The following IGSF21 variants were observed in gnomAD, a reference collection of about 807,000 sequenced individuals.
IGSF21 encodes immunoglobulin superfamily member 21.
A neutral mutation model predicts 46.8 loss-of-function variants in IGSF21; 28 were observed. That is an observed-to-expected ratio of 0.60 (90% CI 0.44 to 0.82). The LOEUF is 0.82. Among genes scored for constraint, IGSF21 ranks in the 40% least tolerant of loss-of-function variants. The probability of loss-of-function intolerance (pLI) is 0.00; values close to 1 mark genes in which losing one functional copy is unlikely to be tolerated. For synonymous variants in IGSF21, 284 were observed against 273.6 expected (o/e 1.04, Z -0.38); for missense variants, 624 against 665.5 (o/e 0.94, Z 0.69).
intron 2 of IGSF21, among the ~76,000 whole-genome samples, chr1:18,234,147 C>T (rs867980349): frequency 2.6e-5 from 4 of 152,148 alleles, no homozygotes; most frequent in African/African-American, 9.7e-5. Flanking sequence ...CTCTTTGCTA[C>T]TCCTCTGACC....
chr1:18,117,841 C>G (rs566495272), intron 1 of IGSF21, among the ~76,000 whole-genome samples: 37 of 152,332 alleles, frequency 2.4e-4, no homozygotes, highest in Admixed American at 1.2e-3. Flanking sequence ...ACTGTCTCCT[C>G]TCTCCCCATT....
chr1:18,305,274 T>A (rs1557634875), intron 3 of IGSF21, among the ~76,000 whole-genome samples: 1 of 150,480 alleles, frequency 6.6e-6, no homozygotes, highest in Non-Finnish European at 1.5e-5. Context: ...GATGGGTGGA[T>A]GGATGAATGG....
At chr1:18,351,651 C>T (rs2085956834) in intron 4 of IGSF21, among the ~76,000 whole-genome samples, 1 of 152,174 alleles carries the variant, frequency 6.6e-6, no homozygotes, top group Non-Finnish European at 1.5e-5. Flanking sequence ...CCCAAGCTTC[C>T]GTGGGCTTCC....
chr1:18,167,477 C>A (rs191463627), intron 1 of IGSF21, among the ~76,000 whole-genome samples: 2 of 152,188 alleles, frequency 1.3e-5, no homozygotes, highest in South Asian at 2.1e-4. Flanking sequence ...GCATGCACCC[C>A]CATGCTGGTT....
chr1:18,342,141 T>C (rs1004405147), intron 4 of IGSF21, among the ~76,000 whole-genome samples: 4 of 152,152 alleles, frequency 2.6e-5, no homozygotes, highest in African/African-American at 9.6e-5. Flanking sequence ...TCCCCCAGGC[T>C]GGAGTGCAGT....
Position 18,290,450 on chromosome 1 carries a change from C to T in IGSF21, c.184-1416C>T, listed in dbSNP as rs1299850009. Among the ~76,000 whole-genome samples, 3 of 152,146 alleles carry T rather than the reference C, an allele frequency of 2.0e-5. No individual in the cohort carries two copies. Among genetic ancestry groups the T allele is most frequent in the Admixed American group, 6.5e-5 (1 of 15,268 alleles). On this transcript the variant is annotated intron_variant, in intron 2 of 9. Transcript: ENST00000251296. This position sits in a 1 kb window ranked among gnomAD's most constrained non-coding sequence, Gnocchi z 4.2. Reference sequence around the variant, plus strand: ...CTTCCTCTCAGGGTCCCAGAGCCTGCGAAGGCCTTCTCATGATTCTAACCA... The same window carrying T: ...CTTCCTCTCAGGGTCCCAGAGCCTGTGAAGGCCTTCTCATGATTCTAACCA...
intron 1 of IGSF21, among the ~76,000 whole-genome samples, chr1:18,123,945 C>T (rs908968443): frequency 1.3e-5 from 2 of 152,182 alleles, no homozygotes; most frequent in Admixed American, 6.5e-5. Context: ...TCTGCTGGCC[C>T]CACCCTGGGA....
intron 2 of IGSF21, among the ~76,000 whole-genome samples, chr1:18,261,748 T>G (rs763542962): frequency 5.3e-5 from 8 of 152,134 alleles, no homozygotes; most frequent in Non-Finnish European, 1.0e-4. Flanking sequence ...GCCTTAACCT[T>G]GAAGATGCCA....
At chr1:18,150,311 T>C (rs900487544) in intron 1 of IGSF21, among the ~76,000 whole-genome samples, 1 of 152,190 alleles carries the variant, frequency 6.6e-6, no homozygotes, top group African/African-American at 2.4e-5. Context: ...CTCTAAGGCC[T>C]GGGCCTCTCT....
intron 2 of IGSF21, among the ~76,000 whole-genome samples, chr1:18,276,494 C>T (rs145292884): frequency 3.5e-4 from 53 of 152,286 alleles, no homozygotes; most frequent in Non-Finnish European, 6.5e-4. Flanking sequence ...CTGCCACGTC[C>T]GCCAATTCTA....
chr1:18,137,715 G>T (rs1011189405), intron 1 of IGSF21, among the ~76,000 whole-genome samples: 1 of 152,184 alleles, frequency 6.6e-6, no homozygotes, highest in African/African-American at 2.4e-5. Flanking sequence ...GGATTTTCAT[G>T]TGTTTATCAT....
At chr1:18,320,646 G>A (rs1453561684) in intron 3 of IGSF21, among the ~76,000 whole-genome samples, 2 of 152,186 alleles carry the variant, frequency 1.3e-5, no homozygotes, top group African/African-American at 4.8e-5. Flanking sequence ...CTCTGAAGCT[G>A]CCCCTGGTCC....
chr1:18,367,654 C>T (rs1026516906), intron 6 of IGSF21, among the ~76,000 whole-genome samples: 1 of 128,974 alleles, frequency 7.8e-6, no homozygotes, highest in Admixed American at 9.6e-5. Flanking sequence ...CACACCCAGG[C>T]TGGAGTGCAG....
intron 1 of IGSF21, among the ~76,000 whole-genome samples, chr1:18,170,034 G>A (rs2086721149): frequency 1.3e-5 from 2 of 152,194 alleles, no homozygotes; most frequent in South Asian, 2.1e-4. Context: ...CTGTGTTCAA[G>A]CCCAGGATCT....
intron 1 of IGSF21, among the ~76,000 whole-genome samples, chr1:18,214,669 G>A (rs1308703101): frequency 3.9e-5 from 6 of 152,292 alleles, no homozygotes; most frequent in South Asian, 2.1e-4. Context: ...GGGAAGCAAC[G>A]TATATCTTAC....
At chr1:18,239,081 CT>C (rs1243292371) in intron 2 of IGSF21, among the ~76,000 whole-genome samples, 11 of 135,888 alleles carry the variant, frequency 8.1e-5, no homozygotes, top group Non-Finnish European at 9.7e-5. Flanking sequence ...TGAGCTACTA[CT>C]GTTGGGGCCT....
chr1:18,130,165 C>A (rs1164316998), intron 1 of IGSF21, among the ~76,000 whole-genome samples: 9 of 152,154 alleles, frequency 5.9e-5, no homozygotes, highest in Admixed American at 5.9e-4. Flanking sequence ...CTGGACACCA[C>A]CCCCCAACCC....
chr1:18,303,318 G>A (rs1009215317), intron 3 of IGSF21, among the ~76,000 whole-genome samples: 1 of 151,814 alleles, frequency 6.6e-6, no homozygotes, highest in Non-Finnish European at 1.5e-5. Flanking sequence ...GGGGGCTCAG[G>A]TGCAGCCCAG....
chr1:18,169,760 G>A (rs1410249984), intron 1 of IGSF21, among the ~76,000 whole-genome samples: 2 of 152,158 alleles, frequency 1.3e-5, no homozygotes, highest in East Asian at 3.9e-4. Context: ...ATGGAGTCCT[G>A]GGGGTGCGGG....
Sources: allele counts gnomAD v4.1 joint callset (sites outside exome capture counted in the v4.1 genomes callset), GRCh38; gene constraint gnomAD v4.1.1; non-coding constraint Gnocchi (gnomAD v3.1); transcripts MANE v1.5; gene names NCBI Gene and HGNC (gene_info 2026-07-23, HGNC 2026-07-21).